The following NLRP8 variants were observed in gnomAD, a reference collection of about 807,000 sequenced individuals.
NLRP8 encodes NLR family pyrin domain containing 8.
NLRP8 carries 86 observed loss-of-function variants against 88.7 expected under a neutral mutation model. The ratio of observed to expected loss-of-function variants is 0.97; its 90% CI spans 0.81 to 1.16. NLRP8 has a LOEUF of 1.16. Ranked by LOEUF, NLRP8 falls within the 50% of genes most tolerant of loss-of-function variation. The pLI, the probability that NLRP8 is intolerant of heterozygous loss-of-function variation, is 0.00. For synonymous variants in NLRP8, 504 were observed against 494.6 expected, an observed-to-expected ratio of 1.02 and a Z score of -0.25; for missense variants, 1,342 against 1,286.5, an observed-to-expected ratio of 1.04 and a Z score of -0.66.
intron 6 of NLRP8, among the ~76,000 whole-genome samples, chr19:55,971,867 G>C (rs753871781): frequency 3.0e-4 from 45 of 152,078 alleles, no homozygotes; most frequent in Non-Finnish European, 3.4e-4. Context: ...CAATCTGTTG[G>C]GCAGGAAATG....
At chr19:55,981,892 G>A (rs1980588007) in intron 9 of NLRP8, among the ~76,000 whole-genome samples, 1 of 114,322 alleles carries the variant, frequency 8.7e-6, no homozygotes, top group Non-Finnish European at 1.8e-5. Flanking sequence ...CATCCAGGTT[G>A]GTTTCTCTTG....
rs183528453 is a variant in NLRP8 at position 55,954,491 on chromosome 19, A to C, written c.443-10A>C. ...TCATACCCTTTATTTCTCCCATCTC[A>C]CAAATCTAGGTAAAATACGGCGGTA... On this transcript the variant is annotated splice_polypyrimidine_tract_variant and intron_variant, in intron 2 of 9. Coordinates refer to ENST00000291971, the MANE Select transcript of NLRP8 (RefSeq NM_176811.2). 7.8e-5 allele frequency: 126 copies of C among 1,609,648 alleles called. No individual in the cohort carries two copies. The Admixed American group carries it at 2.1e-3, about 27-fold the overall frequency.
intron 3 of NLRP8, among the ~76,000 whole-genome samples, chr19:55,961,195 C>T (rs1407347462): frequency 6.6e-6 from 1 of 152,056 alleles, no homozygotes; most frequent in Non-Finnish European, 1.5e-5. Context: ...AGCCACCGTG[C>T]CCGGCCACTT....
At chr19:55,980,802 C>A (rs1980540403) in intron 9 of NLRP8, among the ~76,000 whole-genome samples, 1 of 152,074 alleles carries the variant, frequency 6.6e-6, no homozygotes, top group Non-Finnish European at 1.5e-5. Flanking sequence ...CAGCCCTGGT[C>A]CAGTGAGAGA....
rs754272125 is a variant in NLRP8, at chr19:55,962,218, T to G, written c.2194T>G (p.Cys732Gly). ...CGCGGCCGCACTGAGGCACCCTCAG[T>G]GCAAACTGCAAAAGCTACTGTGAGT... is the stretch of plus-strand genomic sequence containing the variant. The change falls in exon 4 of 10, where the codon TGC becomes GGC. Residue 732 changes from cysteine to glycine, a missense_variant. Cys to Gly is a radical substitution (Grantham distance 159). Transcript: ENST00000291971. 6.2e-7 allele frequency: 1 copy of G among 1,613,580 alleles called. No homozygotes were observed. Among genetic ancestry groups the G allele is most frequent in the South Asian group, 1.1e-5 (1 of 91,066 alleles).
At chr19:55,986,066 G>C (rs1368280643) in intron 9 of NLRP8, among the ~76,000 whole-genome samples, 3 of 152,056 alleles carry the variant, frequency 2.0e-5, no homozygotes, top group Admixed American at 1.3e-4. Context: ...AGATTACTAA[G>C]AGAGTACATT....
In NLRP8 at chr19:55,953,291, G is replaced by A. The variant is rs78282253; in HGVS notation, c.442+679G>A. ...CGAGTTGCGGGAAAACAAGCTCAGG[G>A]CTCCCAGTGACTCTACATTATACTG... is the stretch of plus-strand genomic sequence containing the variant. On this transcript the variant is annotated intron_variant, in intron 2 of 9. Transcript: ENST00000291971. 7.9e-3 allele frequency among the ~76,000 whole-genome samples: 1,200 copies of A among 152,116 alleles called. 9 individuals are homozygous for A. The highest frequency in any genetic ancestry group is 0.014 in the Non-Finnish European group (945 of 68,008).
chr19:55,976,431 G>A (rs1980327877), intron 8 of NLRP8, 128 bp downstream of exon 8: 5 of 795,764 alleles, frequency 6.3e-6, no homozygotes, highest in Admixed American at 3.9e-5. Context: ...TTGAATTGGA[G>A]AACTGGGAAG....
At chr19:55,974,704 C>T (rs1385003553) in intron 7 of NLRP8, among the ~76,000 whole-genome samples, 1 of 150,388 alleles carries the variant, frequency 6.6e-6, no homozygotes, top group African/African-American at 2.5e-5. Context: ...CCACTGCACT[C>T]CAGCCTGGGC....
chr19:55,980,404 G>A (rs1980522532), intron 9 of NLRP8, among the ~76,000 whole-genome samples: 1 of 152,198 alleles, frequency 6.6e-6, no homozygotes, highest in Non-Finnish European at 1.5e-5. Context: ...TCAACGCTTA[G>A]TAACTTAAAG....
Position 55,962,217 on chromosome 19 carries a change from G to A in NLRP8, c.2193G>A (p.Gln731=), listed in dbSNP as rs372116170. Residue 731 remains glutamine, a synonymous_variant, in exon 4 of 10, where the codon CAG becomes CAA. Coordinates refer to ENST00000291971, the MANE Select transcript of NLRP8 (RefSeq NM_176811.2). ...TCGCGGCCGCACTGAGGCACCCTCAGTGCAAACTGCAAAAGCTACTGTGAG... is the reference window on the plus strand; with the variant it reads ...TCGCGGCCGCACTGAGGCACCCTCAATGCAAACTGCAAAAGCTACTGTGAG... 49 of 1,613,522 alleles carry A rather than the reference G, an allele frequency of 3.0e-5. No individual in the cohort carries two copies. Among genetic ancestry groups the A allele is most frequent in the Non-Finnish European group, 3.7e-5 (44 of 1,179,946 alleles).
Position 55,957,671 on chromosome 19 carries a change from AATTATATATAT to A in NLRP8, c.2042+1574_2042+1584del, listed in dbSNP as rs1446850956. Among the ~76,000 whole-genome samples, 83 of 55,352 alleles carry A rather than the reference AATTATATATAT, an allele frequency of 1.5e-3. 3 individuals are homozygous for A. The highest frequency in any genetic ancestry group is 7.1e-3 in the African/African-American group (80 of 11,214). 36.3% of individuals were successfully genotyped at this position (55,352 alleles called of 152,430 possible). ...ACTATCTTAAAAAAGAAAAAATAAT[AATTATATATAT>A]ATATATATATATATATATATATATA... On this transcript the variant is annotated intron_variant, in intron 3 of 9. Transcript: ENST00000291971.
intron 9 of NLRP8, among the ~76,000 whole-genome samples, chr19:55,980,595 C>T (rs529006976): frequency 0.024 from 3,614 of 152,088 alleles, 148 homozygotes; most frequent in African/African-American, 0.077. Context: ...GGCGGGGGGG[C>T]CTCAGTTGTT....
rs1021401488 is a variant in NLRP8 at position 55,987,488 on chromosome 19, A to G, written c.3048-326A>G. 4.6e-5 allele frequency among the ~76,000 whole-genome samples: 7 copies of G among 152,170 alleles called. No homozygotes were observed. In the South Asian group the frequency reaches 1.0e-3, roughly 23 times the overall value. ...TTTTGGTGCTAATTGTGCAAATACTATGGTTAACCGTAACTTAGTTATTGA... is the reference window on the plus strand; with the variant it reads ...TTTTGGTGCTAATTGTGCAAATACTGTGGTTAACCGTAACTTAGTTATTGA... On this transcript the variant is annotated intron_variant, in intron 9 of 9. Transcript: ENST00000291971.
chr19:55,977,028 C>T (rs1025850976), intron 8 of NLRP8, among the ~76,000 whole-genome samples: 84 of 144,320 alleles, frequency 5.8e-4, no homozygotes, highest in Non-Finnish European at 9.2e-4. Context: ...TGCAGTGAGC[C>T]GAGATCACAC....
At chr19:55,969,277 C>G (rs972251441) in intron 5 of NLRP8, among the ~76,000 whole-genome samples, 8 of 152,206 alleles carry the variant, frequency 5.3e-5, no homozygotes, top group African/African-American at 1.4e-4. Context: ...ACCCCAACCA[C>G]AAGTCCCCAG....
At chr19:55,960,397 G>C (rs1452543320) in intron 3 of NLRP8, among the ~76,000 whole-genome samples, 1 of 152,144 alleles carries the variant, frequency 6.6e-6, no homozygotes, top group Non-Finnish European at 1.5e-5. Flanking sequence ...TCACATTCAA[G>C]GGGCCCTCCA....
At chr19:55,951,416 G>T (rs1005149133) in intron 1 of NLRP8, among the ~76,000 whole-genome samples, 12 of 152,180 alleles carry the variant, frequency 7.9e-5, no homozygotes, top group African/African-American at 2.7e-4. Context: ...CGAATTTGGT[G>T]TTCACAAGAA....
At chr19:55,966,709 G>A (rs1219299868) in intron 5 of NLRP8, among the ~76,000 whole-genome samples, 3 of 152,022 alleles carry the variant, frequency 2.0e-5, no homozygotes, top group South Asian at 4.2e-4. Flanking sequence ...TCAGCTACTC[G>A]GGAGGCTGAG....
Sources: allele counts gnomAD v4.1 joint callset (sites outside exome capture counted in the v4.1 genomes callset), GRCh38; gene constraint gnomAD v4.1.1; transcripts MANE v1.5; gene names NCBI Gene and HGNC (gene_info 2026-07-23, HGNC 2026-07-21).